PRKG1: variants seen among roughly 807,000 people sequenced by gnomAD.
PRKG1 encodes protein kinase cGMP-dependent 1.
A neutral mutation model predicts 88.1 loss-of-function variants in PRKG1; 35 were observed. That is an observed-to-expected ratio of 0.40 (90% CI 0.30 to 0.53). The LOEUF (loss-of-function observed/expected upper bound fraction) is 0.53, where lower values mean the gene tolerates loss of function less well. Ranked by LOEUF, PRKG1 falls within the 20% of genes least tolerant of loss-of-function variation. The probability of loss-of-function intolerance (pLI) is 0.59; values close to 1 mark genes in which losing one functional copy is unlikely to be tolerated. For missense variants in PRKG1, 540 were observed against 839.8 expected, an observed-to-expected ratio of 0.64 and a Z score of 4.41; for synonymous variants, 303 against 292.5, an observed-to-expected ratio of 1.04 and a Z score of -0.37.
chr10:51,017,071 A>G (rs1281977930), intron 1 of PRKG1, among the ~76,000 whole-genome samples: 2 of 151,784 alleles, frequency 1.3e-5, no homozygotes, highest in Admixed American at 1.3e-4. Flanking sequence ...CACTCTCTTC[A>G]TGTAACGTCC....
At chr10:51,679,065 A>G (rs1018740217) in intron 3 of PRKG1, among the ~76,000 whole-genome samples, 9 of 152,242 alleles carry the variant, frequency 5.9e-5, no homozygotes, top group Admixed American at 1.3e-4. Context: ...ATTTAGAAAT[A>G]CAAGAAGGAA....
intron 2 of PRKG1, among the ~76,000 whole-genome samples, chr10:51,277,601 A>G (rs1589305524): frequency 6.6e-6 from 1 of 152,316 alleles, no homozygotes; most frequent in Middle Eastern, 3.4e-3. Context: ...TGAGCATGGA[A>G]TGTTCTTCCA....
At chr10:52,121,393 A>G (rs1260208366) in intron 7 of PRKG1, among the ~76,000 whole-genome samples, 1 of 152,210 alleles carries the variant, frequency 6.6e-6, no homozygotes, top group African/African-American at 2.4e-5. Flanking sequence ...TCTCCCAAGC[A>G]TGCTTTATTA....
intron 1 of PRKG1, among the ~76,000 whole-genome samples, chr10:51,056,005 A>C (rs1843622239): frequency 6.6e-6 from 1 of 152,200 alleles, no homozygotes; most frequent in Non-Finnish European, 1.5e-5. Context: ...TGAGCCAATC[A>C]AATCAAGCAT....
intron 5 of PRKG1, among the ~76,000 whole-genome samples, chr10:52,000,196 A>G (rs528427509): frequency 6.6e-6 from 1 of 152,214 alleles, no homozygotes; most frequent in South Asian, 2.1e-4. Context: ...ACTTCTGTTT[A>G]GCTGCATTGT....
intron 5 of PRKG1, among the ~76,000 whole-genome samples, chr10:52,000,967 A>G (rs2133148897): frequency 1.3e-5 from 2 of 152,088 alleles, no homozygotes; most frequent in East Asian, 3.9e-4. Context: ...TTTGAGTTGT[A>G]CCCTGAAGTT....
intron 3 of PRKG1, among the ~76,000 whole-genome samples, chr10:51,794,015 C>G (rs1838943987): frequency 6.6e-6 from 1 of 152,064 alleles, no homozygotes; most frequent in Non-Finnish European, 1.5e-5. Context: ...CTGCCCAGCT[C>G]AGTCTCTCAA....
At chr10:51,869,513 A>G (rs1841103211) in intron 4 of PRKG1, among the ~76,000 whole-genome samples, 2 of 152,168 alleles carry the variant, frequency 1.3e-5, no homozygotes, top group Admixed American at 1.3e-4. Flanking sequence ...AAACCTATGC[A>G]GGGGAGATAA....
chr10:51,481,538 C>A (rs1322777365), intron 3 of PRKG1, among the ~76,000 whole-genome samples: 2 of 152,134 alleles, frequency 1.3e-5, no homozygotes, highest in African/African-American at 4.8e-5. Flanking sequence ...CATGAGCCAC[C>A]ATGCCCGGCC....
intron 3 of PRKG1, among the ~76,000 whole-genome samples, chr10:51,763,603 CA>C (rs34657565): frequency 0.57 from 70,041 of 123,914 alleles, 17,806 homozygotes; most frequent in Middle Eastern, 0.65. Flanking sequence ...TGATCAAATG[CA>C]AAAAAAAAAA....
chr10:51,586,835 A>G lies in PRKG1; in HGVS notation c.592+118999A>G, dbSNP rs187324265. Among the ~76,000 whole-genome samples the G allele has an allele frequency of 5.0e-3, 765 of 152,236 alleles. 7 individuals carry two copies. The highest frequency in any genetic ancestry group is 7.5e-3 in the Non-Finnish European group (509 of 67,996). On this transcript the variant is annotated intron_variant, in intron 3 of 17. Coordinates refer to ENST00000373980, the MANE Select transcript of PRKG1 (RefSeq NM_006258.4). ...ATACTCCTAATCTTAGAGGAAGTTAACGTATTTAAATTTCCTGCAGCTGTT... is the reference window on the plus strand; with the variant it reads ...ATACTCCTAATCTTAGAGGAAGTTAGCGTATTTAAATTTCCTGCAGCTGTT...
intron 9 of PRKG1, among the ~76,000 whole-genome samples, chr10:52,245,047 C>T (rs1256018727): frequency 6.7e-6 from 1 of 149,640 alleles, no homozygotes; most frequent in Non-Finnish European, 1.5e-5. Flanking sequence ...TCCAGACTTG[C>T]AGATTAGTCA....
chr10:51,220,496 CAG>C (rs753074727), intron 2 of PRKG1, among the ~76,000 whole-genome samples: 5 of 152,016 alleles, frequency 3.3e-5, no homozygotes, highest in Admixed American at 1.3e-4. Flanking sequence ...AAAAATCTAA[CAG>C]AGAATTCACA....
At chr10:51,217,498 T>C (rs1445255663) in intron 2 of PRKG1, among the ~76,000 whole-genome samples, 1 of 152,080 alleles carries the variant, frequency 6.6e-6, no homozygotes, top group Non-Finnish European at 1.5e-5. Flanking sequence ...AAAAAGAACA[T>C]TGTGAGGGTG....
intron 3 of PRKG1, among the ~76,000 whole-genome samples, chr10:51,793,919 A>G (rs1838939086): frequency 6.6e-6 from 1 of 151,994 alleles, no homozygotes; most frequent in African/African-American, 2.4e-5. Flanking sequence ...AAGCCAACAC[A>G]TCCAGCTAGT....
intron 12 of PRKG1, 64 bp from the exon 13 acceptor site, chr10:52,280,725 A>T (rs1243281852): frequency 2.2e-5 from 34 of 1,542,788 alleles, no homozygotes; most frequent in Middle Eastern, 1.7e-4. Flanking sequence ...TGAGAAAAAA[A>T]AAATAAAGCC....
At chr10:52,012,543 C>A (rs574209366) in intron 5 of PRKG1, among the ~76,000 whole-genome samples, 1 of 151,798 alleles carries the variant, frequency 6.6e-6, no homozygotes, top group African/African-American at 2.4e-5. Context: ...CGCCCAGCCG[C>A]GCCCAGCTAA....
chr10:51,840,862 A>T (rs1840258316), intron 4 of PRKG1, among the ~76,000 whole-genome samples: 1 of 152,136 alleles, frequency 6.6e-6, no homozygotes, highest in South Asian at 2.1e-4. Context: ...CCTCTATTTT[A>T]AAGAGAAACA....
In PRKG1 at chr10:51,860,067, A is replaced by G. The variant is rs183084407; in HGVS notation, c.699-47440A>G. ...CTGGGATGTAAAAGTTGCGGCAGAC[A>G]TAGGGGAAGTACATTTCTTCAAGTC... On this transcript the variant is annotated intron_variant, in intron 4 of 17. Coordinates refer to ENST00000373980, the MANE Select transcript of PRKG1 (RefSeq NM_006258.4). Among the ~76,000 whole-genome samples, 286 of 152,242 alleles carry G rather than the reference A, an allele frequency of 1.9e-3. 1 individual carries two copies. The highest frequency in any genetic ancestry group is 6.6e-3 in the African/African-American group (274 of 41,548).
Sources: gnomAD v4.1 joint callset for allele counts (sites outside exome capture counted in the v4.1 genomes callset) on GRCh38, gnomAD v4.1.1 for gene constraint, MANE v1.5 for transcripts, NCBI Gene and HGNC (gene_info 2026-07-23, HGNC 2026-07-21) for gene names.